The following ELAVL1 variants were observed in gnomAD, a reference collection of about 807,000 sequenced individuals.
ELAVL1 encodes the protein ELAV-like protein 1.
In ELAVL1, 1 loss-of-function variant was observed where a neutral mutation model predicts 28.4. The ratio of observed to expected loss-of-function variants is 0.04; its 90% confidence interval spans 0.01 to 0.17. The LOEUF (loss-of-function observed/expected upper bound fraction) is 0.17, where lower values mean the gene tolerates loss of function less well. Among genes scored for constraint, ELAVL1 ranks in the 10% least tolerant of loss-of-function variants. The pLI is 1.00. For missense variants in ELAVL1, 157 were observed against 447.2 expected, an observed-to-expected ratio of 0.35 and a Z score of 5.85; for synonymous variants, 174 against 183.5, an observed-to-expected ratio of 0.95 and a Z score of 0.42.
Position 7,982,506 on chromosome 19 carries a change from T to G in ELAVL1, c.173-1320A>C, listed in dbSNP as rs1985490909. Among the ~76,000 whole-genome samples, 1 of 152,200 alleles carries G rather than the reference T, an allele frequency of 6.6e-6. No individual in the cohort carries two copies. The highest frequency in any genetic ancestry group is 2.4e-5 in the African/African-American group (1 of 41,456). ...ATCCAGCAGAGAGCCTAACCCAGGT[T>G]TGCCACTTTCTTTTTAAAATGAATT... is the stretch of plus-strand genomic sequence containing the variant. On this transcript the variant is annotated intron_variant, in intron 2 of 5. Transcript: ENST00000407627. The surrounding 1 kb of genome is among the most constrained non-coding windows in gnomAD (Gnocchi z 4.3).
intron 2 of ELAVL1, among the ~76,000 whole-genome samples, chr19:7,987,198 C>T (rs1471652193): frequency 6.6e-6 from 1 of 152,008 alleles, no homozygotes. Flanking sequence ...ACCCCCTCCT[C>T]CGGGATGTGG....
At chr19:7,976,289 C>G (rs573946498) in intron 3 of ELAVL1, among the ~76,000 whole-genome samples, 94 of 151,478 alleles carry the variant, frequency 6.2e-4, no homozygotes, top group African/African-American at 2.0e-3. Flanking sequence ...GTAGTCCCAG[C>G]TACTCGGGAG....
At chr19:7,972,587 G>A (rs947077164) in intron 4 of ELAVL1, among the ~76,000 whole-genome samples, 3 of 152,150 alleles carry the variant, frequency 2.0e-5, no homozygotes, top group Non-Finnish European at 4.4e-5. Context: ...TGCCTGCAAC[G>A]AAAGCCACAG....
intron 4 of ELAVL1, chr19:7,973,191 C>T (rs375823521): frequency 1.6e-4 from 24 of 154,538 alleles, no homozygotes; most frequent in African/African-American, 4.9e-4. Context: ...AATCTCTTGG[C>T]GTTTTCACTG....
At chr19:7,994,544 G>T (rs78832631) in intron 1 of ELAVL1, among the ~76,000 whole-genome samples, 6 of 152,204 alleles carry the variant, frequency 3.9e-5, no homozygotes, top group African/African-American at 1.4e-4. Flanking sequence ...CAAATGGCTC[G>T]TAAGTCCAGA....
intron 5 of ELAVL1, among the ~76,000 whole-genome samples, chr19:7,965,467 A>G (rs1984933479): frequency 6.6e-6 from 1 of 151,884 alleles, no homozygotes; most frequent in Admixed American, 6.6e-5. Context: ...CTCCAACCCA[A>G]TTCTTTTCCA....
intron 3 of ELAVL1, 113 bp downstream of exon 3, chr19:7,980,970 G>C: frequency 9.5e-7 from 1 of 1,048,504 alleles, no homozygotes; most frequent in East Asian, 2.4e-5. Context: ...GGGAGCCCCC[G>C]AGGAGCGGCT....
intron 1 of ELAVL1, among the ~76,000 whole-genome samples, chr19:8,000,766 G>A (rs2081065103): frequency 6.6e-6 from 1 of 152,256 alleles, no homozygotes; most frequent in South Asian, 2.1e-4. Flanking sequence ...CAGAAGGGCA[G>A]GATGCCTGGC....
At chr19:8,001,739 A>C (rs546546440) in intron 1 of ELAVL1, among the ~76,000 whole-genome samples, 4 of 152,046 alleles carry the variant, frequency 2.6e-5, no homozygotes, top group Admixed American at 2.6e-4. Flanking sequence ...TGTTGGGGTT[A>C]CAGGTGTGAG....
At chr19:7,976,076 G>A (rs1045998860) in intron 3 of ELAVL1, among the ~76,000 whole-genome samples, 1 of 150,960 alleles carries the variant, frequency 6.6e-6, no homozygotes. Context: ...CTGGGTGACT[G>A]AGTGAGGTCC....
chr19:7,984,238 G>C (rs1396876533), intron 2 of ELAVL1, among the ~76,000 whole-genome samples: 1 of 152,190 alleles, frequency 6.6e-6, no homozygotes, highest in Non-Finnish European at 1.5e-5. Flanking sequence ...GGGAGTTAGT[G>C]ATGCATGACA....
At position 7,964,279 on chromosome 19, in the gene ELAVL1, C is replaced by T. The variant is rs138618883; in HGVS notation, c.657-472G>A. Among the ~76,000 whole-genome samples the T allele has an allele frequency of 5.1e-3, 778 of 152,288 alleles. 5 individuals carry two copies. The highest frequency in any genetic ancestry group is 0.017 in the African/African-American group (714 of 41,544). On this transcript the variant is annotated intron_variant, in intron 5 of 5. Coordinates refer to ENST00000407627, the MANE Select transcript of ELAVL1 (RefSeq NM_001419.3). ...CCCCTTATCATGACCCGCCCCCAAG[C>T]GTTGACAGCCCAGTGGTCTCTGGTT...
At chr19:7,975,137 G>C (rs917701161) in intron 3 of ELAVL1, among the ~76,000 whole-genome samples, 1 of 152,220 alleles carries the variant, frequency 6.6e-6, no homozygotes, top group East Asian at 1.9e-4. Context: ...CTCACCCCAT[G>C]ATGTGGGTCA....
At chr19:7,994,987 AC>A (rs149396207) in intron 1 of ELAVL1, among the ~76,000 whole-genome samples, 5,816 of 152,244 alleles carry the variant, frequency 0.038, 381 homozygotes, top group African/African-American at 0.13. Flanking sequence ...CAAGGAAGGC[AC>A]TACCTCATGG....
chr19:7,998,411 C>T (rs1599680320), intron 1 of ELAVL1, among the ~76,000 whole-genome samples: 1 of 152,208 alleles, frequency 6.6e-6, no homozygotes, highest in Non-Finnish European at 1.5e-5. Context: ...ATGATGCTCA[C>T]GGTCAGGCAT....
intron 4 of ELAVL1, among the ~76,000 whole-genome samples, chr19:7,972,692 T>C (rs1228736251): frequency 6.6e-6 from 1 of 151,142 alleles, no homozygotes; most frequent in African/African-American, 2.4e-5. Context: ...AGTGGCGCGA[T>C]CACGGCTCAC....
intron 3 of ELAVL1, among the ~76,000 whole-genome samples, chr19:7,980,676 G>A (rs1985436056): frequency 6.6e-6 from 1 of 152,206 alleles, no homozygotes; most frequent in Non-Finnish European, 1.5e-5. Flanking sequence ...ACCCACGGGG[G>A]CACTGAATTT....
At chr19:8,000,071 T>C (rs2081062392) in intron 1 of ELAVL1, among the ~76,000 whole-genome samples, 1 of 152,132 alleles carries the variant, frequency 6.6e-6, no homozygotes, top group Non-Finnish European at 1.5e-5. Flanking sequence ...GCCACCACGC[T>C]TGGCCGCTTT....
At chr19:7,995,326 C>T (rs967388026) in intron 1 of ELAVL1, among the ~76,000 whole-genome samples, 1 of 152,206 alleles carries the variant, frequency 6.6e-6, no homozygotes, top group Non-Finnish European at 1.5e-5. Flanking sequence ...TCCTTCTCCT[C>T]GCCCTTTCTC....
Sources: allele counts gnomAD v4.1 joint callset (sites outside exome capture counted in the v4.1 genomes callset), GRCh38; gene constraint gnomAD v4.1.1; non-coding constraint Gnocchi (gnomAD v3.1); transcripts MANE v1.5; gene names NCBI Gene and HGNC (gene_info 2026-07-23, HGNC 2026-07-21).